The following DLAT variants were observed in gnomAD, a reference collection of about 807,000 sequenced individuals.
DLAT encodes the protein dihydrolipoyllysine-residue acetyltransferase component of pyruvate dehydrogenase complex, mitochondrial.
Under a neutral mutation model 68.0 loss-of-function variants are expected in DLAT, and 43 were observed. The ratio of observed to expected loss-of-function variants is 0.63; its 90% CI spans 0.50 to 0.81. DLAT has a LOEUF of 0.81. Among genes scored for constraint, DLAT ranks in the 40% least tolerant of loss-of-function variants. DLAT has a pLI of 0.00. For missense variants in DLAT, 745 were observed against 815.4 expected (o/e 0.91, Z 1.05); for synonymous variants, 265 against 288.6 (o/e 0.92, Z 0.83).
chr11:112,029,919 A>G lies in DLAT; in HGVS notation c.660+974A>G, dbSNP rs1862303282. ...GGGAACATTCTGAATCTTTCTCATCACTAGAAGTCCATCAGTGATTTTTCC... is the reference window on the plus strand; with the variant it reads ...GGGAACATTCTGAATCTTTCTCATCGCTAGAAGTCCATCAGTGATTTTTCC... On this transcript the variant is annotated intron_variant, in intron 4 of 13. Coordinates refer to ENST00000280346, the MANE Select transcript of DLAT (RefSeq NM_001931.5). The G allele has an allele frequency of 6.9e-6, 5 of 720,804 alleles. No individual in the cohort carries two copies. In the Middle Eastern group the frequency reaches 1.1e-3, roughly 160 times the overall value. 44.7% of individuals were successfully genotyped at this position (720,804 alleles called of 1,614,324 possible). A position where few individuals can be genotyped will look rare whatever the true frequency, so the allele number is the denominator to read the frequency against.
intron 5 of DLAT, among the ~76,000 whole-genome samples, chr11:112,034,179 AT>A (rs1401928739): frequency 5.9e-5 from 9 of 152,346 alleles, no homozygotes; most frequent in Admixed American, 4.6e-4. Context: ...CTATATCAGA[AT>A]TGCTGCTGTC....
At chr11:112,040,530 C>T (rs1379607658) in intron 7 of DLAT, among the ~76,000 whole-genome samples, 1 of 152,038 alleles carries the variant, frequency 6.6e-6, no homozygotes, top group African/African-American at 2.4e-5. Flanking sequence ...TGCTTATTTC[C>T]CCAATTTTCT....
chr11:112,026,217 C>G lies in DLAT; in HGVS notation c.299C>G (p.Ser100Cys). ...PHQKVPLPSL[S>C]PTMQAGTIAR... ...TTCCAGGTTCCATTGCCTTCTCTTTCCCCCACAATGCAGGCAGGCACCATA... is the reference window on the plus strand; with the variant it reads ...TTCCAGGTTCCATTGCCTTCTCTTTGCCCCACAATGCAGGCAGGCACCATA... The change falls in exon 2 of 14, where the codon TCC becomes TGC. Residue 100 changes from serine to cysteine, a missense_variant. Transcript: ENST00000280346. 1 of 1,611,302 alleles carries G rather than the reference C, an allele frequency of 6.2e-7. No individual in the cohort carries two copies. Among genetic ancestry groups the G allele is most frequent in the South Asian group, 1.1e-5 (1 of 90,476 alleles).
rs1863604871 is a variant in DLAT, at chr11:112,051,148, C to T, written c.1399-86C>T. 1.1e-6 allele frequency: 1 copy of T among 914,620 alleles called. No individual in the cohort carries two copies. Among genetic ancestry groups the T allele is most frequent in the African/African-American group, 1.7e-5 (1 of 59,178 alleles). The allele number at this position is 914,620 out of a possible 1,614,324, so 56.7% of individuals were successfully genotyped here. ...GCACATGTTTACCTATATAATAAAC[C>T]TGGACATTCTGCACATGCACCCTGA... On this transcript the variant is annotated intron_variant, in intron 10 of 13. Coordinates refer to ENST00000280346, the MANE Select transcript of DLAT (RefSeq NM_001931.5). This position sits in a 1 kb window ranked among gnomAD's most constrained non-coding sequence, Gnocchi z 4.3.
intron 4 of DLAT, 106 bp from the exon 5 acceptor site, chr11:112,033,298 G>A: frequency 7.2e-7 from 1 of 1,396,712 alleles, no homozygotes; most frequent in Non-Finnish European, 9.9e-7. Context: ...TGAGTATTTG[G>A]ATTATCATAG....
In DLAT at chr11:112,061,039, G is replaced by T; in HGVS notation, c.1679G>T (p.Gly560Val). ...EGKLQPHEFQ[G>V]GTFTISNLGM... Reference sequence around the variant, plus strand: ...TATTTTTAATTTTTTTTCCTCTAGGGTGGCACTTTTACGATCTCCAATTTA... The same window carrying T: ...TATTTTTAATTTTTTTTCCTCTAGGTTGGCACTTTTACGATCTCCAATTTA... The change falls in exon 13 of 14, where the codon GGT (glycine) becomes GTT (valine). Residue 560 changes from glycine (G) to valine (V), a missense_variant and splice_region_variant. Physicochemically the swap from Gly to Val is moderately radical, Grantham distance 109. Coordinates refer to ENST00000280346, the MANE Select transcript of DLAT (RefSeq NM_001931.5). The T allele has an allele frequency of 2.5e-6, 4 of 1,590,228 alleles. No individual in the cohort carries two copies. The highest frequency in any genetic ancestry group is 1.1e-5 in the South Asian group (1 of 88,326).
intron 6 of DLAT, among the ~76,000 whole-genome samples, chr11:112,038,214 G>A (rs1475547106): frequency 6.6e-6 from 1 of 151,984 alleles, no homozygotes; most frequent in African/African-American, 2.4e-5. Flanking sequence ...TGTTGTTGTT[G>A]TTGAGACGGA....
chr11:112,032,135 A>G (rs989350097), intron 4 of DLAT, among the ~76,000 whole-genome samples: 5 of 151,744 alleles, frequency 3.3e-5, no homozygotes, highest in Admixed American at 1.3e-4. Context: ...GCCCCTCCCA[A>G]GTGATCCTTG....
chr11:112,043,939 C>T (rs1795933509), intron 8 of DLAT, among the ~76,000 whole-genome samples: 1 of 151,978 alleles, frequency 6.6e-6, no homozygotes, highest in East Asian at 1.9e-4. Flanking sequence ...CTGTTTTTTT[C>T]TGGAATATTT....
chr11:112,046,821 G>T (rs1460904128), intron 10 of DLAT, among the ~76,000 whole-genome samples: 1 of 152,072 alleles, frequency 6.6e-6, no homozygotes, highest in South Asian at 2.1e-4. Flanking sequence ...TGGCTGCATA[G>T]TATTCCATGG....
rs1862526206 is a variant in DLAT at position 112,033,448 on chromosome 11, T to A, written c.705T>A (p.Val235=). ...ALSPTMTMGT[V]QRWEKKVGEK... ...CTCCCACCATGACCATGGGCACAGTTCAGAGATGGGAAAAAAAAGTGGGTG... is the reference window on the plus strand; with the variant it reads ...CTCCCACCATGACCATGGGCACAGTACAGAGATGGGAAAAAAAAGTGGGTG... The change falls in exon 5 of 14, where the codon GTT becomes GTA. Residue 235 remains valine (V), a synonymous_variant. Transcript: ENST00000280346. The A allele has an allele frequency of 6.2e-7, 1 of 1,613,794 alleles. No individual in the cohort carries two copies.
chr11:112,056,956 T>C (rs1864130537), intron 11 of DLAT, among the ~76,000 whole-genome samples: 1 of 152,220 alleles, frequency 6.6e-6, no homozygotes. Flanking sequence ...GTCAAGCAAG[T>C]TGATGGCACC....
chr11:112,028,006 T>C (rs1231324876), intron 2 of DLAT, among the ~76,000 whole-genome samples: 1 of 152,180 alleles, frequency 6.6e-6, no homozygotes, highest in African/African-American at 2.4e-5. Context: ...CTTTGCCTAA[T>C]TGACTGAACA....
chr11:112,045,180 C>T lies in DLAT; in HGVS notation c.1240C>T (p.Pro414Ser). ...VVPPTGPGMA[P>S]VPTGVFTDIP... is the part of the protein sequence containing the mutation. ...GCCTCCCACAGGTCCTGGAATGGCA[C>T]CAGTTCCTACAGGTGTCTTCACAGA... The change falls in exon 9 of 14, where the codon CCA (proline) becomes TCA (serine). Residue 414 changes from proline (P) to serine (S), a missense_variant. Transcript: ENST00000280346. 6.2e-7 allele frequency: 1 copy of T among 1,614,136 alleles called. No homozygotes were observed. Among genetic ancestry groups the T allele is most frequent in the Non-Finnish European group, 8.5e-7 (1 of 1,180,026 alleles).
intron 2 of DLAT, among the ~76,000 whole-genome samples, chr11:112,026,683 G>A (rs1323767625): frequency 6.6e-6 from 1 of 152,220 alleles, no homozygotes; most frequent in Non-Finnish European, 1.5e-5. Context: ...TCTTAGTACC[G>A]AGCAAAATGA....
chr11:112,054,749 C>T (rs368062118), intron 11 of DLAT, among the ~76,000 whole-genome samples: 1 of 152,122 alleles, frequency 6.6e-6, no homozygotes, highest in African/African-American at 2.4e-5. Flanking sequence ...TCTCACAGTT[C>T]GGGAAACAAG....
chr11:112,063,994 C>T lies in DLAT; in HGVS notation c.*1459C>T, dbSNP rs1592742557. On this transcript the variant is annotated 3_prime_UTR_variant, in exon 14 of 14. Coordinates refer to ENST00000280346, the MANE Select transcript of DLAT (RefSeq NM_001931.5). ...TCTAAATATTCATTATTACATGGTA[C>T]ACAAGTGACACTCCATATATTCCAC... is the stretch of plus-strand genomic sequence containing the variant. The T allele has an allele frequency of 3.5e-6, 2 of 575,714 alleles. No homozygotes were observed. The highest frequency in any genetic ancestry group is 5.3e-5 in the South Asian group (2 of 37,930). The allele number at this position is 575,714 out of a possible 1,614,324, so 35.7% of individuals were successfully genotyped here.
At chr11:112,059,217 G>C (rs973754000) in intron 11 of DLAT, among the ~76,000 whole-genome samples, 1 of 151,960 alleles carries the variant, frequency 6.6e-6, no homozygotes. Context: ...GCCAATGTAC[G>C]TCCACTCAAA....
chr11:112,031,604 C>T (rs377547494), intron 4 of DLAT, among the ~76,000 whole-genome samples: 30 of 151,870 alleles, frequency 2.0e-4, no homozygotes, highest in African/African-American at 6.8e-4. Flanking sequence ...GAGATAGGGT[C>T]TCACTCTTCA....
Sources: gnomAD v4.1 joint callset for allele counts (sites outside exome capture counted in the v4.1 genomes callset) on GRCh38, gnomAD v4.1.1 for gene constraint, Gnocchi (gnomAD v3.1) non-coding constraint, MANE v1.5 for transcripts, NCBI Gene and HGNC (gene_info 2026-07-23, HGNC 2026-07-21) for gene names.